DPP10: variants seen among roughly 807,000 people sequenced by gnomAD.
DPP10 encodes the protein dipeptidyl peptidase like 10.
In DPP10, 33 loss-of-function variants were observed where a neutral mutation model predicts 120.9. The ratio of observed to expected loss-of-function variants is 0.27; its 90% CI spans 0.21 to 0.37. The LOEUF (loss-of-function observed/expected upper bound fraction) is 0.37. Among genes scored for constraint, DPP10 ranks in the 10% least tolerant of loss-of-function variants. DPP10 has a pLI of 1.00. For missense variants in DPP10, 816 were observed against 942.8 expected (o/e 0.87, Z 1.76); for synonymous variants, 337 against 326.1 (o/e 1.03, Z -0.36).
chr2:114,950,647 C>T (rs563323164), intron 1 of DPP10, among the ~76,000 whole-genome samples: 12 of 151,862 alleles, frequency 7.9e-5, no homozygotes, highest in African/African-American at 2.9e-4. Flanking sequence ...GGTTTTCTAT[C>T]TTCACAGTGT....
At position 115,357,096 on chromosome 2, in the gene DPP10, C is replaced by T. The variant is rs1462755394; in HGVS notation, c.271+13184C>T. 2.0e-5 allele frequency among the ~76,000 whole-genome samples: 3 copies of T among 152,100 alleles called. No homozygotes were observed. The East Asian group carries it at 5.8e-4, about 29-fold the overall frequency. ...TCATGTGTACTCAATATATATTTCC[C>T]ACTATAAGTGTGAAAATGCAGTATT... On this transcript the variant is annotated intron_variant, in intron 3 of 25. Transcript: ENST00000410059.
At chr2:115,013,540 T>A (rs1364137913) in intron 1 of DPP10, among the ~76,000 whole-genome samples, 1 of 151,952 alleles carries the variant, frequency 6.6e-6, no homozygotes. Context: ...AATGTTGGCC[T>A]GTCTTGCTAA....
At chr2:115,436,637 C>G (rs548941141) in intron 3 of DPP10, among the ~76,000 whole-genome samples, 1 of 151,608 alleles carries the variant, frequency 6.6e-6, no homozygotes, top group East Asian at 1.9e-4. Flanking sequence ...AGAATCTTGG[C>G]AAGGTATGAT....
chr2:115,312,083 A>G (rs146107966), intron 2 of DPP10, among the ~76,000 whole-genome samples: 2 of 152,086 alleles, frequency 1.3e-5, no homozygotes, highest in East Asian at 3.9e-4. Context: ...TTTACAGTTT[A>G]CCAAGTGCAT....
chr2:115,714,903 GC>G (rs2092438434), intron 7 of DPP10, among the ~76,000 whole-genome samples: 1 of 151,806 alleles, frequency 6.6e-6, no homozygotes, highest in African/African-American at 2.4e-5. Context: ...GGCGACAGGC[GC>G]CCGTAGTCCC....
chr2:114,964,584 C>A (rs1332353153), intron 1 of DPP10, among the ~76,000 whole-genome samples: 1 of 151,728 alleles, frequency 6.6e-6, no homozygotes, highest in African/African-American at 2.4e-5. Context: ...ACTATCCAAG[C>A]AGAGGGAAGA....
chr2:115,270,911 T>G (rs1397263232), intron 1 of DPP10, among the ~76,000 whole-genome samples: 2 of 152,204 alleles, frequency 1.3e-5, no homozygotes, highest in Admixed American at 1.3e-4. Flanking sequence ...TTTATCTTCA[T>G]TAAAAAGCTG....
intron 5 of DPP10, among the ~76,000 whole-genome samples, chr2:115,623,047 G>A (rs924270137): frequency 1.1e-4 from 17 of 151,728 alleles, no homozygotes; most frequent in East Asian, 3.9e-4. Context: ...GGCTTTCACC[G>A]TGTTAGCCAG....
At chr2:115,370,720 T>A (rs2065352439) in intron 3 of DPP10, among the ~76,000 whole-genome samples, 1 of 152,108 alleles carries the variant, frequency 6.6e-6, no homozygotes, top group Admixed American at 6.6e-5. Context: ...AAATATAAGA[T>A]TAATCCAATT....
chr2:115,291,721 T>C (rs1489265355), intron 1 of DPP10, among the ~76,000 whole-genome samples: 1 of 152,132 alleles, frequency 6.6e-6, no homozygotes, highest in African/African-American at 2.4e-5. Context: ...CCATGAGCTT[T>C]TCAGAACTGA....
intron 3 of DPP10, among the ~76,000 whole-genome samples, chr2:115,444,542 A>G (rs1450356235): frequency 1.3e-5 from 2 of 152,172 alleles, no homozygotes; most frequent in Non-Finnish European, 2.9e-5. Context: ...GTAGTTACTC[A>G]TCTATTATAT....
At position 115,782,391 on chromosome 2, in the gene DPP10, A is replaced by G. The variant is rs1410625777; in HGVS notation, c.1523A>G (p.Asn508Ser). 2 of 1,612,346 alleles carry G rather than the reference A, an allele frequency of 1.2e-6. No homozygotes were observed. The highest frequency in any genetic ancestry group is 1.7e-6 in the Non-Finnish European group (2 of 1,178,574). ...GTGGTCAGCCTACATAGTACGGACA[A>G]CCCAGCAAGTGAGTACACAAGAAGA... is the stretch of plus-strand genomic sequence containing the variant. Reference protein sequence around the residue: ...VPVVSLHSTDNPAKYFILESN... With the variant: ...VPVVSLHSTDSPAKYFILESN... Residue 508 changes from asparagine to serine, a missense_variant, in exon 17 of 26, where the codon AAC (asparagine) becomes AGC (serine). Physicochemically the swap from Asn to Ser is conservative, Grantham distance 46. Around this residue, in one of 3 missense-constraint regions of DPP10, gnomAD observed 592 missense variants for 649.0 expected, o/e 0.91. Transcript: ENST00000410059.
chr2:115,379,859 G>T (rs546272881), intron 3 of DPP10, among the ~76,000 whole-genome samples: 1 of 151,988 alleles, frequency 6.6e-6, no homozygotes, highest in Admixed American at 6.6e-5. Flanking sequence ...GGAGTTGAGC[G>T]GTTTTGAGTG....
intron 3 of DPP10, among the ~76,000 whole-genome samples, chr2:115,412,838 G>A (rs1434971372): frequency 1.3e-5 from 2 of 152,146 alleles, no homozygotes; most frequent in Non-Finnish European, 2.9e-5. Context: ...TGCTCACTGA[G>A]TGTACACATA....
intron 1 of DPP10, among the ~76,000 whole-genome samples, chr2:115,263,779 A>G (rs918508498): frequency 2.6e-5 from 4 of 152,158 alleles, no homozygotes; most frequent in African/African-American, 4.8e-5. Context: ...TTTATTTTCA[A>G]TTGCCTTCCT....
intron 1 of DPP10, among the ~76,000 whole-genome samples, chr2:115,187,764 G>A (rs2054565697): frequency 6.6e-6 from 1 of 152,168 alleles, no homozygotes; most frequent in South Asian, 2.1e-4. Context: ...CACTTTGGGA[G>A]GCTGAGGCGG....
intron 1 of DPP10, among the ~76,000 whole-genome samples, chr2:115,009,320 A>C: frequency 6.6e-6 from 1 of 151,822 alleles, no homozygotes; most frequent in East Asian, 2.0e-4. Context: ...TCAGTAAACT[A>C]TCCCAAGAAC....
intron 1 of DPP10, among the ~76,000 whole-genome samples, chr2:115,200,406 G>A (rs1209098963): frequency 6.6e-6 from 1 of 151,912 alleles, no homozygotes. Context: ...TTCCCCCAAA[G>A]TCATTAAGTA....
rs1430482472 is a variant in DPP10, at chr2:115,844,858, G to A, written c.*2513G>A. On this transcript the variant is annotated 3_prime_UTR_variant, in exon 26 of 26. Transcript: ENST00000410059. Reference sequence around the variant, plus strand: ...ACTCTTTTGAAAGAGAAAAGTGTTTGTTCACTTTCATTGCCTTCATTAAGA... The same window carrying A: ...ACTCTTTTGAAAGAGAAAAGTGTTTATTCACTTTCATTGCCTTCATTAAGA... 6.6e-6 allele frequency: 1 copy of A among 152,124 alleles called. No individual in the cohort carries two copies. Among genetic ancestry groups the A allele is most frequent in the Non-Finnish European group, 1.5e-5 (1 of 68,008 alleles). 9.4% of individuals were successfully genotyped at this position (152,124 alleles called of 1,614,324 possible).
Sources: gnomAD v4.1 joint callset for allele counts (sites outside exome capture counted in the v4.1 genomes callset) on GRCh38, gnomAD v4.1.1 for gene constraint, gnomAD v4.1.1 regional missense constraint, MANE v1.5 for transcripts, NCBI Gene and HGNC (gene_info 2026-07-23, HGNC 2026-07-21) for gene names.